The following NDUFA5 variants were observed in gnomAD, a reference collection of about 807,000 sequenced individuals.
NDUFA5 encodes the protein NADH dehydrogenase [ubiquinone] 1 alpha subcomplex subunit 5.
A neutral mutation model predicts 19.8 loss-of-function variants in NDUFA5; 11 were observed. The ratio of observed to expected loss-of-function variants is 0.56; its 90% CI spans 0.35 to 0.92. The LOEUF (loss-of-function observed/expected upper bound fraction) is 0.92, where lower values mean the gene tolerates loss of function less well. Among genes scored for constraint, NDUFA5 ranks in the 40% least tolerant of loss-of-function variants. The probability of loss-of-function intolerance (pLI) is 0.01; values close to 1 mark genes in which losing one functional copy is unlikely to be tolerated. For missense variants in NDUFA5, 109 were observed against 134.2 expected (o/e 0.81, Z 0.93); for synonymous variants, 47 against 46.8 (o/e 1.00, Z -0.01).
the NDUFA5 span, among the ~76,000 whole-genome samples, chr7:123,600,849 A>T: frequency 2.0e-5 from 3 of 152,336 alleles, no homozygotes; most frequent in Admixed American, 2.0e-4. Flanking sequence ...GTACAAAGAA[A>T]ATGTCAGAGA....
At chr7:123,554,141 A>G (rs1304872613) in intron 2 of NDUFA5, among the ~76,000 whole-genome samples, 1 of 152,254 alleles carries the variant, frequency 6.6e-6, no homozygotes, top group African/African-American at 2.4e-5. Context: ...GAGATGTGTT[A>G]TAAGTATAAA....
chr7:123,580,288 C>A, the NDUFA5 span, among the ~76,000 whole-genome samples: 31 of 152,088 alleles, frequency 2.0e-4, no homozygotes, highest in Admixed American at 1.4e-3. Flanking sequence ...CATGGCAGGC[C>A]GTTCTCTGTT....
chr7:123,580,100 G>T, the NDUFA5 span, among the ~76,000 whole-genome samples: 1 of 151,986 alleles, frequency 6.6e-6, no homozygotes, highest in East Asian at 1.9e-4. Flanking sequence ...AGATGGAGAA[G>T]GATGGTCTAA....
chr7:123,591,640 G>A, the NDUFA5 span, among the ~76,000 whole-genome samples: 2 of 152,158 alleles, frequency 1.3e-5, no homozygotes, highest in African/African-American at 2.4e-5. Flanking sequence ...TGCATCCCAG[G>A]GATGAAGCCA....
At chr7:123,561,747 GC>G, upstream of NDUFA5, among the ~76,000 whole-genome samples, 1 of 152,136 alleles carries the variant, frequency 6.6e-6, no homozygotes, top group South Asian at 2.1e-4. Context: ...ACAGGCATCT[GC>G]CACCGCACCC....
the NDUFA5 span, among the ~76,000 whole-genome samples, chr7:123,568,184 T>C: frequency 1.3e-5 from 2 of 152,100 alleles, no homozygotes; most frequent in Non-Finnish European, 2.9e-5. Flanking sequence ...TTGGATTAAG[T>C]TTAATATTGA....
chr7:123,564,892 G>GACACACACACAC, the NDUFA5 span, among the ~76,000 whole-genome samples: 687 of 147,658 alleles, frequency 4.7e-3, 7 homozygotes, highest in African/African-American at 0.016. Flanking sequence ...GAAGCATCTG[G>GACACACACACAC]ACACACACAC....
At chr7:123,596,293 T>G in the NDUFA5 span, 20 of 152,116 alleles carry the variant, frequency 1.3e-4, no homozygotes, top group African/African-American at 4.6e-4. Flanking sequence ...TGACATCTTT[T>G]AATGGTAGAA....
At chr7:123,569,967 T>G in the NDUFA5 span, among the ~76,000 whole-genome samples, 5 of 151,754 alleles carry the variant, frequency 3.3e-5, no homozygotes, top group Non-Finnish European at 7.4e-5. Context: ...AAGGAAAAAC[T>G]GCACTATGAT....
chr7:123,568,774 C>G, the NDUFA5 span, among the ~76,000 whole-genome samples: 1 of 151,442 alleles, frequency 6.6e-6, no homozygotes, highest in African/African-American at 2.4e-5. Context: ...ATATACAAAT[C>G]AACAAAATGG....
intron 2 of NDUFA5, among the ~76,000 whole-genome samples, chr7:123,551,969 AG>A (rs1290368417): frequency 2.0e-5 from 3 of 152,338 alleles, no homozygotes; most frequent in African/African-American, 7.2e-5. Flanking sequence ...ATAGAATAAA[AG>A]AAAAAATGTT....
chr7:123,560,804 C>T (rs1325905463), upstream of NDUFA5, among the ~76,000 whole-genome samples: 3 of 152,158 alleles, frequency 2.0e-5, no homozygotes, highest in African/African-American at 7.2e-5. Flanking sequence ...CCCAAAGATT[C>T]CATCTCCAAA....
chr7:123,553,331 A>G (rs533525588), intron 2 of NDUFA5, among the ~76,000 whole-genome samples: 1 of 152,364 alleles, frequency 6.6e-6, no homozygotes, highest in South Asian at 2.1e-4. Context: ...ACATGGCAGG[A>G]AGCAAGAGAG....
the NDUFA5 span, among the ~76,000 whole-genome samples, chr7:123,577,093 ACC>A: frequency 6.6e-6 from 1 of 152,088 alleles, no homozygotes; most frequent in Non-Finnish European, 1.5e-5. Flanking sequence ...CTTTTACATA[ACC>A]ACCTCCTACT....
upstream of NDUFA5, among the ~76,000 whole-genome samples, chr7:123,560,477 C>A (rs1446138460): frequency 6.6e-6 from 1 of 152,138 alleles, no homozygotes; most frequent in Non-Finnish European, 1.5e-5. Flanking sequence ...ATAACTTCAG[C>A]AAAGTTACAT....
At chr7:123,557,576 C>T (rs769445734) in intron 1 of NDUFA5, 128 bp from the exon 2 acceptor site, 2 of 1,612,512 alleles carry the variant, frequency 1.2e-6, no homozygotes, top group South Asian at 1.1e-5. Flanking sequence ...GTCTCTCAGT[C>T]TCGCTTGTTT....
chr7:123,545,923 T>TGG (rs1798116701), intron 3 of NDUFA5: 5 of 366,224 alleles, frequency 1.4e-5, no homozygotes, highest in Admixed American at 9.3e-5. Context: ...CAATGTCAAA[T>TGG]TCAGTCTTCC....
the NDUFA5 span, among the ~76,000 whole-genome samples, chr7:123,572,024 G>A: frequency 1.4e-4 from 21 of 151,514 alleles, no homozygotes; most frequent in African/African-American, 4.6e-4. Flanking sequence ...CTGGGCTCAA[G>A]CAATCCTCCT....
At chr7:123,549,253 G>A (rs570132795) in intron 3 of NDUFA5, among the ~76,000 whole-genome samples, 88 of 137,190 alleles carry the variant, frequency 6.4e-4, no homozygotes, top group African/African-American at 2.1e-3. Context: ...AAGTATAATG[G>A]AAGTACAAAC....
Sources: allele counts gnomAD v4.1 joint callset (sites outside exome capture counted in the v4.1 genomes callset), GRCh38; gene constraint gnomAD v4.1.1; transcripts MANE v1.5; gene names NCBI Gene and HGNC (gene_info 2026-07-23, HGNC 2026-07-21).